The following C10orf88 variants were observed in gnomAD, a reference collection of about 807,000 sequenced individuals.
C10orf88 encodes ATPase PAAT.
In C10orf88, 29 loss-of-function variants were observed where a neutral mutation model predicts 34.2. The observed-to-expected ratio is 0.85, with a 90% CI of 0.63 to 1.16. The LOEUF (loss-of-function observed/expected upper bound fraction) is 1.16, where lower values mean the gene tolerates loss of function less well. Among genes scored for constraint, C10orf88 ranks in the 50% most tolerant of loss-of-function variants. The pLI is 0.00. For missense variants in C10orf88, 507 were observed against 533.2 expected (o/e 0.95, Z 0.48); for synonymous variants, 194 against 197.4 (o/e 0.98, Z 0.15).
rs765058163 is a variant in C10orf88, at chr10:122,937,859, G to GT, written c.948dup (p.Pro317ThrfsTer6). 12 of 1,613,174 alleles carry GT rather than the reference G, an allele frequency of 7.4e-6. No individual in the cohort carries two copies. Among genetic ancestry groups the GT allele is most frequent in the Non-Finnish European group, 1.0e-5 (12 of 1,179,388 alleles). ...TTTGAGTTGTCACTTACTTTCTTTG[G>GT]TAAGAAAGAGGCCATTGCATTTTTA... On this transcript the variant is annotated frameshift_variant, in exon 5 of 6. Transcript: ENST00000481909. LOFTEE classifies it high-confidence loss of function.
At chr10:122,952,701 T>C in intron 2 of C10orf88, 128 bp downstream of exon 2, 1 of 1,116,598 alleles carries the variant, frequency 9.0e-7, no homozygotes. Flanking sequence ...CTATGCCTAC[T>C]GGCACATTTT....
At chr10:122,950,136 C>CCA (rs1564723131) in intron 3 of C10orf88, among the ~76,000 whole-genome samples, 3 of 152,176 alleles carry the variant, frequency 2.0e-5, no homozygotes, top group African/African-American at 7.2e-5. Context: ...GTTTAACTTA[C>CCA]GACTCTGGTA....
chr10:122,937,061 A>G (rs767708850), intron 5 of C10orf88, among the ~76,000 whole-genome samples: 6 of 152,046 alleles, frequency 3.9e-5, no homozygotes, highest in Non-Finnish European at 7.4e-5. Context: ...CTTAGGCTAA[A>G]GAATACTAAA....
intron 1 of C10orf88, among the ~76,000 whole-genome samples, chr10:122,953,732 A>G (rs1297014496): frequency 6.6e-6 from 1 of 151,740 alleles, no homozygotes; most frequent in Non-Finnish European, 1.5e-5. Flanking sequence ...TGACTTTGAC[A>G]GCAGCCCTGA....
Position 122,937,877 on chromosome 10 carries a change from C to T in C10orf88, c.931G>A (p.Ala311Thr), listed in dbSNP as rs754635758. The T allele has an allele frequency of 5.0e-6, 8 of 1,613,194 alleles. 1 individual carries two copies. Among genetic ancestry groups the T allele is most frequent in the Non-Finnish European group, 4.2e-6 (5 of 1,179,498 alleles). ...TTCTTTGGTAAGAAAGAGGCCATTG[C>T]ATTTTTAAGATCATTTTCAAGAAAG... ...HSFLENDLKN[A>T]MASFLPKKVS... is the part of the protein sequence containing the mutation. The change falls in exon 5 of 6, where the codon GCA becomes ACA. Residue 311 changes from alanine (A) to threonine (T), a missense_variant. By Grantham distance (58) the Ala-to-Thr change is moderately conservative. Coordinates refer to ENST00000481909, the MANE Select transcript of C10orf88 (RefSeq NM_024942.4).
In C10orf88 at chr10:122,954,041, C is replaced by G; in HGVS notation, c.138G>C (p.Glu46Asp). Residue 46 changes from glutamate (E) to aspartate (D), a missense_variant, in exon 1 of 6, where the codon GAG (glutamate) becomes GAC (aspartate). By Grantham distance (45) the Glu-to-Asp change is conservative (BLOSUM62 2). Transcript: ENST00000481909. ...CTGGAGCAGGCGGTGCCAGCAGCTCCTCCCAGTCGAAGTCACCGGGGCCGA... is the reference window on the plus strand; with the variant it reads ...CTGGAGCAGGCGGTGCCAGCAGCTCGTCCCAGTCGAAGTCACCGGGGCCGA... ...AGLGPGDFDW[E>D]ELLAPPAPGQ... is the part of the protein sequence containing the mutation. 1 of 1,534,722 alleles carries G rather than the reference C, an allele frequency of 6.5e-7. No individual in the cohort carries two copies. Among genetic ancestry groups the G allele is most frequent in the East Asian group, 2.6e-5 (1 of 38,982 alleles).
At position 122,938,073 on chromosome 10, in the gene C10orf88, G is replaced by C; in HGVS notation, c.735C>G (p.Thr245=). Residue 245 remains threonine (T), a synonymous_variant, in exon 5 of 6, where the codon ACC becomes ACG. Transcript: ENST00000481909. ...KHMIGLQSSS[T]LGTLNKSSST... is the part of the protein sequence containing the mutation. ...AGGACGACTTGTTTAAGGTTCCTAA[G>C]GTAGATGAGGATTGTAGTCCAATCA... 1.2e-6 allele frequency: 2 copies of C among 1,613,188 alleles called. No homozygotes were observed. Among genetic ancestry groups the C allele is most frequent in the Non-Finnish European group, 1.7e-6 (2 of 1,179,376 alleles).
chr10:122,942,387 G>A (rs963990543), intron 4 of C10orf88, among the ~76,000 whole-genome samples: 1 of 152,070 alleles, frequency 6.6e-6, no homozygotes, highest in Non-Finnish European at 1.5e-5. Flanking sequence ...AATAATAAGA[G>A]CTATCTATGA....
intron 5 of C10orf88, among the ~76,000 whole-genome samples, chr10:122,937,374 T>C (rs965149205): frequency 6.6e-6 from 1 of 151,894 alleles, no homozygotes; most frequent in Non-Finnish European, 1.5e-5. Context: ...ATAGTACAAA[T>C]ATATAAAAAC....
intron 3 of C10orf88, 122 bp from the exon 4 acceptor site, chr10:122,948,977 A>T: frequency 1.1e-6 from 1 of 898,824 alleles, no homozygotes; most frequent in Non-Finnish European, 1.6e-6. Context: ...AACTTCAAGT[A>T]TATTTTAAAC....
In C10orf88 at chr10:122,938,060, T is replaced by G; in HGVS notation, c.748A>C (p.Asn250His). 1.2e-6 allele frequency: 2 copies of G among 1,613,308 alleles called. No homozygotes were observed. The highest frequency in any genetic ancestry group is 1.7e-6 in the Non-Finnish European group (2 of 1,179,420). ...GGAAAAGGTGTGGAGGACGACTTGT[T>G]TAAGGTTCCTAAGGTAGATGAGGAT... ...LQSSSTLGTL[N>H]KSSSTPFPFR... is the part of the protein sequence containing the mutation. Residue 250 changes from asparagine (N) to histidine (H), a missense_variant, in exon 5 of 6, where the codon AAC becomes CAC. Coordinates refer to ENST00000481909, the MANE Select transcript of C10orf88 (RefSeq NM_024942.4).
intron 3 of C10orf88, among the ~76,000 whole-genome samples, chr10:122,950,113 C>T (rs916154537): frequency 2.6e-5 from 4 of 152,158 alleles, no homozygotes; most frequent in African/African-American, 9.7e-5. Context: ...ACTTTAGAAT[C>T]AGACAAACCT....
rs1344840914 is a variant in C10orf88 at position 122,952,829 on chromosome 10, C to T, written c.368G>A (p.Ser123Asn). 1 of 1,614,068 alleles carries T rather than the reference C, an allele frequency of 6.2e-7. No homozygotes were observed. The highest frequency in any genetic ancestry group is 2.2e-5 in the East Asian group (1 of 44,884). ...ACTTTCCCGTGTACAAGTCACACAC[C>T]TGTCATCCAGGACAGTACAAACATT... is the stretch of plus-strand genomic sequence containing the variant. Reference protein sequence around the residue: ...GKNVCTVLDDSEHEKIILYKK... With the variant: ...GKNVCTVLDDNEHEKIILYKK... The change falls in exon 2 of 6, where the codon AGT (serine) becomes AAT (asparagine). Residue 123 changes from serine to asparagine, a missense_variant and splice_region_variant. Transcript: ENST00000481909.
At chr10:122,942,716 C>G in intron 4 of C10orf88, among the ~76,000 whole-genome samples, 1 of 151,206 alleles carries the variant, frequency 6.6e-6, no homozygotes, top group African/African-American at 2.4e-5. Context: ...CACAAGCATT[C>G]TTATACACTA....
At chr10:122,933,216 C>T (rs977254237) in intron 5 of C10orf88, among the ~76,000 whole-genome samples, 7 of 152,282 alleles carry the variant, frequency 4.6e-5, no homozygotes, top group Non-Finnish European at 8.8e-5. Flanking sequence ...CACGGTGGCT[C>T]ACGCCTGTAA....
At chr10:122,951,862 G>T in intron 3 of C10orf88, 92 bp downstream of exon 3, 1 of 784,214 alleles carries the variant, frequency 1.3e-6, no homozygotes, top group Non-Finnish European at 2.1e-6. Flanking sequence ...AAGCAAGTTG[G>T]ACTAATTGTA....
rs547030295 is a variant in C10orf88 at position 122,937,227 on chromosome 10, G to C, written c.1103+478C>G. Among the ~76,000 whole-genome samples, 5 of 152,058 alleles carry C rather than the reference G, an allele frequency of 3.3e-5. No individual in the cohort carries two copies. The East Asian group carries it at 9.7e-4, about 29-fold the overall frequency. On this transcript the variant is annotated intron_variant, in intron 5 of 5. Transcript: ENST00000481909. ...GTACTGCCAAAATAAGGGATTAAGA[G>C]ACTGGGGATAATAGCTTGTAAACTA...
intron 5 of C10orf88, chr10:122,933,423 T>C (rs1029679938): frequency 3.3e-5 from 5 of 152,244 alleles, no homozygotes; most frequent in Admixed American, 1.3e-4. Flanking sequence ...TGAGCTGAGA[T>C]TGCGCAACTG....
At chr10:122,935,204 G>A (rs143983583) in intron 5 of C10orf88, among the ~76,000 whole-genome samples, 54 of 151,984 alleles carry the variant, frequency 3.6e-4, no homozygotes, top group Admixed American at 1.5e-3. Flanking sequence ...TATGGATCAC[G>A]CTTTTGATGT....
Sources: gnomAD v4.1 joint callset for allele counts (sites outside exome capture counted in the v4.1 genomes callset) on GRCh38, gnomAD v4.1.1 for gene constraint, MANE v1.5 for transcripts, NCBI Gene and HGNC (gene_info 2026-07-23, HGNC 2026-07-21) for gene names.